Variants in GPATCH3 observed in about 807,000 individuals in gnomAD.
The protein encoded by GPATCH3 is G patch domain-containing protein 3.
In GPATCH3, 45 loss-of-function variants were observed where a neutral mutation model predicts 53.2. The observed-to-expected ratio is 0.85, with a 90% CI of 0.67 to 1.08. GPATCH3 has a LOEUF of 1.08. Among genes scored for constraint, GPATCH3 ranks in the 50% least tolerant of loss-of-function variants. The pLI, the probability that GPATCH3 is intolerant of heterozygous loss-of-function variation, is 0.00. For missense variants in GPATCH3, 680 were observed against 687.2 expected (o/e 0.99, Z 0.12); for synonymous variants, 280 against 270.6 (o/e 1.03, Z -0.34).
Position 26,897,725 on chromosome 1 carries a change from C to T in GPATCH3, c.452G>A (p.Gly151Asp). The change falls in exon 2 of 7, where the codon GGT (glycine) becomes GAT (aspartate). Residue 151 changes from glycine (G) to aspartate (D), a missense_variant and splice_region_variant. Transcript: ENST00000361720. Reference sequence around the variant, plus strand: ...GGTCTTGAAGGGAAAGGAGCCCAGACCTTGGAAAGGAGGGAGAATAGATCT... The same window carrying T: ...GGTCTTGAAGGGAAAGGAGCCCAGATCTTGGAAAGGAGGGAGAATAGATCT... ...RRLRLPTEASGLGSFPFKTRK... is the reference protein window; with the variant it reads ...RRLRLPTEASDLGSFPFKTRK... The T allele has an allele frequency of 6.2e-7, 1 of 1,600,496 alleles. No individual in the cohort carries two copies. Among genetic ancestry groups the T allele is most frequent in the Non-Finnish European group, 8.5e-7 (1 of 1,173,728 alleles).
Position 26,897,503 on chromosome 1 carries a change from T to C in GPATCH3, c.674A>G (p.Lys225Arg). ...GCCGTAGCGCCGGGAGGAACCTGTC[T>C]TGGGGAACTGGAGCTGCAGCTGGGT... The part of the protein sequence containing the change: ...IITQLQLQFP[K>R]TGSSRRYGNV... The change falls in exon 2 of 7, where the codon AAG becomes AGG. Residue 225 changes from lysine to arginine, a missense_variant. Lys to Arg is a conservative substitution (Grantham distance 26). Transcript: ENST00000361720. The C allele has an allele frequency of 6.2e-7, 1 of 1,614,200 alleles. No homozygotes were observed.
chr1:26,891,467 C>T (rs979432091), intron 6 of GPATCH3, among the ~76,000 whole-genome samples: 5 of 151,746 alleles, frequency 3.3e-5, no homozygotes, highest in African/African-American at 9.7e-5. Context: ...AGTCCAAACT[C>T]CTCCAACAAA....
chr1:26,897,475 A>G lies in GPATCH3; in HGVS notation c.702T>C (p.Asn234=), dbSNP rs1009253473. ...PKTGSSRRYG[N]VPFEYEDSET... ...CTGAGTCCTCATACTCAAAAGGCAC[A>G]TTGCCGTAGCGCCGGGAGGAACCTG... The change falls in exon 2 of 7, where the codon AAT becomes AAC. Residue 234 remains asparagine (N), a synonymous_variant. Coordinates refer to ENST00000361720, the MANE Select transcript of GPATCH3 (RefSeq NM_022078.3). The G allele has an allele frequency of 6.2e-7, 1 of 1,614,222 alleles. No individual in the cohort carries two copies. Among genetic ancestry groups the G allele is most frequent in the Non-Finnish European group, 8.5e-7 (1 of 1,180,042 alleles).
chr1:26,899,555 G>A (rs1398142066), intron 1 of GPATCH3, among the ~76,000 whole-genome samples: 1 of 152,228 alleles, frequency 6.6e-6, no homozygotes, highest in Non-Finnish European at 1.5e-5. Flanking sequence ...GGAGGGCTCT[G>A]CACTGTCCTG....
intron 4 of GPATCH3, 32 bp from the exon 5 acceptor site, chr1:26,892,823 TC>T (rs745738118): frequency 1.2e-6 from 2 of 1,606,082 alleles, no homozygotes; most frequent in Non-Finnish European, 1.7e-6. Context: ...TATGGAAGCG[TC>T]CCTCTCAAAG....
Position 26,900,130 on chromosome 1 carries a change from C to T in GPATCH3, c.313G>A (p.Val105Ile). The T allele has an allele frequency of 6.2e-7, 1 of 1,614,116 alleles. No individual in the cohort carries two copies. Among genetic ancestry groups the T allele is most frequent in the East Asian group, 2.2e-5 (1 of 44,886 alleles). The stretch of plus-strand genomic sequence containing the variant: ...TGAGCCAACCCCCTTACCGAGATGA[C>T]GCAGCAGCAGGTGCGGGTCTGGATT... The part of the protein sequence containing the change: ...TPIQTRTCCC[V>I]ISVRGLAQAQ... The change falls in exon 1 of 7, where the codon GTC (valine) becomes ATC (isoleucine). Residue 105 changes from valine (V) to isoleucine (I), a missense_variant. Transcript: ENST00000361720.
rs142814432 is a variant in GPATCH3, at chr1:26,891,174, T to G, written c.1414A>C (p.Asn472His). ...ATGGTGGAGATGAGCCCCAAGCCAT[T>G]TCTACGGGGCCTCTTCAGTTGCCCA... ...PFGQLKRPRR[N>H]GLGLISTIYD... Residue 472 changes from asparagine to histidine, a missense_variant, in exon 7 of 7, where the codon AAT (asparagine) becomes CAT (histidine). By Grantham distance (68) the Asn-to-His change is moderately conservative (BLOSUM62 1). Transcript: ENST00000361720. The G allele has an allele frequency of 6.2e-7, 1 of 1,613,810 alleles. No individual in the cohort carries two copies. The highest frequency in any genetic ancestry group is 1.3e-5 in the African/African-American group (1 of 74,892).
rs545684132 is a variant in GPATCH3, at chr1:26,894,102, G to A, written c.1051+134C>T. On this transcript the variant is annotated intron_variant, in intron 3 of 6. Transcript: ENST00000361720. ...TCTTAAAAAGGATGATTGGTCTCTC[G>A]TATACAATAGAGGTCAGCCTGTTCC... 83 of 812,446 alleles carry A rather than the reference G, an allele frequency of 1.0e-4. No homozygotes were observed. In the Admixed American group the frequency reaches 1.5e-3, roughly 15 times the overall value. The allele number at this position is 812,446 out of a possible 1,614,324, so 50.3% of individuals were successfully genotyped here.
intron 3 of GPATCH3, among the ~76,000 whole-genome samples, 182 bp from the exon 4 acceptor site, chr1:26,893,630 C>T (rs2124019617): frequency 6.9e-6 from 1 of 144,792 alleles, no homozygotes; most frequent in East Asian, 2.2e-4. Flanking sequence ...AAGTGATTCT[C>T]CTGCCTCAGC....
At position 26,891,246 on chromosome 1, in the gene GPATCH3, C is replaced by T. The variant is rs776837910; in HGVS notation, c.1362-20G>A. 3.8e-6 allele frequency: 6 copies of T among 1,591,802 alleles called. No homozygotes were observed. Among genetic ancestry groups the T allele is most frequent in the South Asian group, 1.1e-5 (1 of 90,298 alleles). ...TGGTACCTGGATAAAAACGGGCTCT[C>T]AGTGAGAAGGCTGCTCTCAAACTCC... On this transcript the variant is annotated intron_variant, in intron 6 of 6. Coordinates refer to ENST00000361720, the MANE Select transcript of GPATCH3 (RefSeq NM_022078.3).
rs777986225 is a variant in GPATCH3 at position 26,900,232 on chromosome 1, G to C, written c.211C>G (p.Pro71Ala). Residue 71 changes from proline to alanine, a missense_variant, in exon 1 of 7, where the codon CCA (proline) becomes GCA (alanine). By Grantham distance (27) the Pro-to-Ala change is conservative. Transcript: ENST00000361720. The part of the protein sequence containing the change: ...APNSALIPTD[P>A]AAEGQLLSQT... ...GAGAGAAGCTGGCCCTCAGCGGCTG[G>C]GTCGGTAGGAATTAGGGCAGAGTTA... The C allele has an allele frequency of 6.2e-7, 1 of 1,614,168 alleles. No individual in the cohort carries two copies. Among genetic ancestry groups the C allele is most frequent in the Non-Finnish European group, 8.5e-7 (1 of 1,180,036 alleles).
chr1:26,899,598 G>A (rs34339345), intron 1 of GPATCH3, among the ~76,000 whole-genome samples: 8,115 of 152,252 alleles, frequency 0.053, 298 homozygotes, highest in Non-Finnish European at 0.078. Flanking sequence ...CATGAAAGTG[G>A]GAGCTGTCCA....
chr1:26,892,171 A>T (rs2081930216), intron 6 of GPATCH3, among the ~76,000 whole-genome samples: 1 of 152,026 alleles, frequency 6.6e-6, no homozygotes, highest in Admixed American at 6.6e-5. Context: ...AGACAGTCTC[A>T]TATGTTGCCC....
chr1:26,892,576 C>T (rs775451040), intron 5 of GPATCH3, 38 bp from the exon 6 acceptor site: 4 of 1,606,076 alleles, frequency 2.5e-6, no homozygotes, highest in Non-Finnish European at 3.4e-6. Context: ...AAATGGGGCT[C>T]CTGCTGGGAG....
At chr1:26,896,274 C>G (rs558578982) in intron 2 of GPATCH3, among the ~76,000 whole-genome samples, 15 of 151,572 alleles carry the variant, frequency 9.9e-5, no homozygotes, top group South Asian at 2.1e-4. Flanking sequence ...ACATTTTCAT[C>G]TATGAAAATG....
At chr1:26,897,819 C>T (rs2081958135) in intron 1 of GPATCH3, 94 bp from the exon 2 acceptor site, 2 of 1,000,528 alleles carry the variant, frequency 2.0e-6, no homozygotes, top group Non-Finnish European at 2.9e-6. Flanking sequence ...TTAGCCTTTC[C>T]CTAGTAAACA....
At chr1:26,896,711 AG>A (rs1276695840) in intron 2 of GPATCH3, among the ~76,000 whole-genome samples, 17 of 146,808 alleles carry the variant, frequency 1.2e-4, no homozygotes, top group Non-Finnish European at 1.1e-4. Context: ...AAAAAAAAAA[AG>A]AAAAAAATGA....
intron 1 of GPATCH3, among the ~76,000 whole-genome samples, chr1:26,898,692 G>C (rs1036827366): frequency 6.7e-6 from 1 of 148,996 alleles, no homozygotes; most frequent in African/African-American, 2.5e-5. Context: ...TTTGAGATGG[G>C]GTCTCGTTCT....
rs560271803 is a variant in GPATCH3, at chr1:26,893,399, G to A, written c.1101C>T (p.Tyr367=). The A allele has an allele frequency of 6.2e-7, 1 of 1,612,496 alleles. No individual in the cohort carries two copies. Among genetic ancestry groups the A allele is most frequent in the East Asian group, 2.2e-5 (1 of 44,840 alleles). ...ADDWDVDMSV[Y]YDRDGGDKDA... ...CTCCTTGCCCAGTACCTCTGTCATA[G>A]TACACACTCATGTCCACATCCCAGT... The change falls in exon 4 of 7, where the codon TAC becomes TAT. Residue 367 remains tyrosine (Y), a synonymous_variant. Transcript: ENST00000361720.
Sources: allele counts gnomAD v4.1 joint callset (sites outside exome capture counted in the v4.1 genomes callset), GRCh38; gene constraint gnomAD v4.1.1; transcripts MANE v1.5; gene names NCBI Gene and HGNC (gene_info 2026-07-23, HGNC 2026-07-21).